ZMAT3: variants seen among roughly 807,000 people sequenced by gnomAD.
ZMAT3 encodes the protein zinc finger matrin-type 3.
In ZMAT3, 17 loss-of-function variants were observed where a neutral mutation model predicts 32.3. That is an observed-to-expected ratio of 0.53 (90% CI 0.36 to 0.79). ZMAT3 has a LOEUF of 0.79. Among genes scored for constraint, ZMAT3 ranks in the 30% least tolerant of loss-of-function variants. The pLI, the probability that ZMAT3 is intolerant of heterozygous loss-of-function variation, is 0.00. For synonymous variants in ZMAT3, 120 were observed against 133.1 expected, an observed-to-expected ratio of 0.90 and a Z score of 0.68; for missense variants, 329 against 359.7, an observed-to-expected ratio of 0.91 and a Z score of 0.69.
At chr3:179,039,814 G>T (rs1576851067) in intron 2 of ZMAT3, among the ~76,000 whole-genome samples, 2 of 152,116 alleles carry the variant, frequency 1.3e-5, no homozygotes, top group Admixed American at 1.3e-4. Context: ...CCCATCGCAA[G>T]GAAGCTAAAA....
chr3:179,028,789 C>T (rs1719021611), intron 3 of ZMAT3, among the ~76,000 whole-genome samples: 1 of 152,204 alleles, frequency 6.6e-6, no homozygotes, highest in African/African-American at 2.4e-5. Context: ...TTGCTACCCA[C>T]ACTTTTAAAT....
At chr3:179,054,707 G>A (rs1046960622) in intron 2 of ZMAT3, among the ~76,000 whole-genome samples, 2 of 152,178 alleles carry the variant, frequency 1.3e-5, no homozygotes, top group African/African-American at 4.8e-5. Flanking sequence ...CTGGAGCAGA[G>A]CTTTCGCTCA....
At chr3:179,064,497 A>G (rs1721304817) in intron 2 of ZMAT3, among the ~76,000 whole-genome samples, 1 of 152,088 alleles carries the variant, frequency 6.6e-6, no homozygotes, top group Non-Finnish European at 1.5e-5. Context: ...TGGCATGATT[A>G]TAGCTCACTG....
intron 2 of ZMAT3, among the ~76,000 whole-genome samples, chr3:179,059,602 C>G (rs6443618): frequency 0.82 from 124,991 of 152,170 alleles, 51,874 homozygotes; most frequent in East Asian, 0.94. Flanking sequence ...AACTACAAAT[C>G]GTTCTTCAAA....
chr3:179,054,790 T>C (rs1290603952), intron 2 of ZMAT3, among the ~76,000 whole-genome samples: 1 of 152,190 alleles, frequency 6.6e-6, no homozygotes, highest in Non-Finnish European at 1.5e-5. Context: ...CAGCAGGGTG[T>C]CCACTGTGCT....
At chr3:179,050,412 A>G (rs115906957) in intron 2 of ZMAT3, among the ~76,000 whole-genome samples, 1 of 152,170 alleles carries the variant, frequency 6.6e-6, no homozygotes, top group African/African-American at 2.4e-5. Context: ...TCCTAGATTA[A>G]ACCAAGAATA....
In ZMAT3 at chr3:179,023,711, T is replaced by TATATATATATA. The variant is rs57477590; in HGVS notation, c.*1305_*1306insTATATATATAT. 22 of 15,074 alleles carry TATATATATATA rather than the reference T, an allele frequency of 1.5e-3. 1 individual carries two copies. Among genetic ancestry groups the TATATATATATA allele is most frequent in the Middle Eastern group, 0.083 (1 of 12 alleles). The allele number at this position is 15,074 out of a possible 1,614,324, so 0.9% of individuals were successfully genotyped here. A position where few individuals can be genotyped will look rare whatever the true frequency, so the allele number is the denominator to read the frequency against. ...GAAAATATATCTATATATATATATA[T>TATATATATATA]TTTTTTTTTTTTTTTTTTTTTTTTT... is the stretch of plus-strand genomic sequence containing the variant. On this transcript the variant is annotated 3_prime_UTR_variant, in exon 6 of 6. Transcript: ENST00000311417.
intron 2 of ZMAT3, among the ~76,000 whole-genome samples, chr3:179,032,364 C>T (rs1398573791): frequency 6.6e-6 from 1 of 151,984 alleles, no homozygotes; most frequent in Admixed American, 6.5e-5. Flanking sequence ...ACCTCCACCT[C>T]CCAGCCGCCT....
intron 2 of ZMAT3, among the ~76,000 whole-genome samples, chr3:179,066,041 G>A (rs1476524470): frequency 3.9e-5 from 6 of 152,146 alleles, no homozygotes; most frequent in Admixed American, 3.9e-4. Context: ...TTTTTTCAAA[G>A]TGAGTCTTAG....
At chr3:179,042,161 G>A (rs891047431) in intron 2 of ZMAT3, among the ~76,000 whole-genome samples, 5 of 152,306 alleles carry the variant, frequency 3.3e-5, no homozygotes, top group Admixed American at 6.5e-5. Context: ...GAGGTACAAA[G>A]AGGAGCTGGT....
intron 2 of ZMAT3, among the ~76,000 whole-genome samples, chr3:179,058,165 C>T (rs577140313): frequency 1.6e-4 from 25 of 152,258 alleles, no homozygotes; most frequent in African/African-American, 6.0e-4. Flanking sequence ...TAAAATAACA[C>T]AGGGAAGAGA....
intron 2 of ZMAT3, among the ~76,000 whole-genome samples, chr3:179,051,329 T>G (rs374516452): frequency 5.3e-5 from 8 of 152,302 alleles, no homozygotes; most frequent in African/African-American, 1.9e-4. Context: ...TCAGTAGCTC[T>G]GCTATACACC....
At chr3:179,060,672 A>T (rs1489884643) in intron 2 of ZMAT3, among the ~76,000 whole-genome samples, 1 of 152,132 alleles carries the variant, frequency 6.6e-6, no homozygotes, top group East Asian at 1.9e-4. Flanking sequence ...TAAATTCTCC[A>T]GAGCAAGAGA....
Position 179,053,198 on chromosome 3 carries a change from A to G in ZMAT3, c.270+14285T>C, listed in dbSNP as rs936411883. Among the ~76,000 whole-genome samples, 14 of 150,854 alleles carry G rather than the reference A, an allele frequency of 9.3e-5. 1 individual carries two copies. The South Asian group carries it at 2.9e-3, about 31-fold the overall frequency. ...AGGTATAGATATAGAATATCTATAGATATAAAATATATCTAGATATAAAAT... is the reference window on the plus strand; with the variant it reads ...AGGTATAGATATAGAATATCTATAGGTATAAAATATATCTAGATATAAAAT... On this transcript the variant is annotated intron_variant, in intron 2 of 5. Coordinates refer to ENST00000311417, the MANE Select transcript of ZMAT3 (RefSeq NM_022470.4).
rs575925500 is a variant in ZMAT3, at chr3:179,032,825, G to T, written c.271-1826C>A. ...ACCCAGCAGCCACCCCATCTGGGAAGTGAGGAGCGTCTCCGCCCGGCAGCC... is the reference window on the plus strand; with the variant it reads ...ACCCAGCAGCCACCCCATCTGGGAATTGAGGAGCGTCTCCGCCCGGCAGCC... On this transcript the variant is annotated intron_variant, in intron 2 of 5. Transcript: ENST00000311417. Among the ~76,000 whole-genome samples the T allele has an allele frequency of 2.7e-3, 407 of 152,050 alleles. 1 individual carries two copies. The highest frequency in any genetic ancestry group is 7.5e-3 in the African/African-American group (312 of 41,450).
rs1359605802 is a variant in ZMAT3, at chr3:179,021,291, T to C, written c.*3726A>G. ...AGCATCTTCAGTGCACTCAAAAGGATTACAGGGCACACTCAGTTTAGTAAC... is the reference window on the plus strand; with the variant it reads ...AGCATCTTCAGTGCACTCAAAAGGACTACAGGGCACACTCAGTTTAGTAAC... On this transcript the variant is annotated 3_prime_UTR_variant, in exon 6 of 6. Coordinates refer to ENST00000311417, the MANE Select transcript of ZMAT3 (RefSeq NM_022470.4). 1 of 152,198 alleles carries C rather than the reference T, an allele frequency of 6.6e-6. No individual in the cohort carries two copies. Among genetic ancestry groups the C allele is most frequent in the African/African-American group, 2.4e-5 (1 of 41,446 alleles). 9.4% of individuals were successfully genotyped at this position (152,198 alleles called of 1,614,324 possible). A position where few individuals can be genotyped will look rare whatever the true frequency, so the allele number is the denominator to read the frequency against.
At chr3:179,058,806 A>ATGC (rs1231713227) in intron 2 of ZMAT3, among the ~76,000 whole-genome samples, 1 of 148,880 alleles carries the variant, frequency 6.7e-6, no homozygotes, top group African/African-American at 2.4e-5. Flanking sequence ...AGAGTAGGGT[A>ATGC]TGCAGTGGTC....
chr3:179,037,860 G>A (rs1444105224), intron 2 of ZMAT3, among the ~76,000 whole-genome samples: 4 of 152,126 alleles, frequency 2.6e-5, no homozygotes, highest in Non-Finnish European at 5.9e-5. Context: ...TCTAAGAAAA[G>A]GAGATAAAAC....
At chr3:179,037,208 G>A (rs1719642664) in intron 2 of ZMAT3, among the ~76,000 whole-genome samples, 1 of 152,130 alleles carries the variant, frequency 6.6e-6, no homozygotes, top group Non-Finnish European at 1.5e-5. Context: ...TCACTGAGCT[G>A]CGGGTGGTGG....
Sources: allele counts gnomAD v4.1 joint callset (sites outside exome capture counted in the v4.1 genomes callset), GRCh38; gene constraint gnomAD v4.1.1; transcripts MANE v1.5; gene names NCBI Gene and HGNC (gene_info 2026-07-23, HGNC 2026-07-21).